Variants in GSG1L observed in about 807,000 individuals in gnomAD.
GSG1L encodes the protein GSG1 like, also known as germ cell-specific gene 1-like protein.
A neutral mutation model predicts 42.1 loss-of-function variants in GSG1L; 24 were observed. That is an observed-to-expected ratio of 0.57 (90% CI 0.41 to 0.80). The LOEUF is 0.80. GSG1L is among the 30% of genes least tolerant of loss of function. The pLI, the probability that GSG1L is intolerant of heterozygous loss-of-function variation, is 0.00. For synonymous variants in GSG1L, 215 were observed against 203.5 expected (o/e 1.06, Z -0.48); for missense variants, 445 against 472.2 (o/e 0.94, Z 0.53).
At chr16:28,057,887 C>A (rs2086296670) in intron 1 of GSG1L, among the ~76,000 whole-genome samples, 1 of 152,222 alleles carries the variant, frequency 6.6e-6, no homozygotes, top group Non-Finnish European at 1.5e-5. Context: ...TGGGCCCAAA[C>A]CCTGTGATGG....
chr16:28,018,886 C>A (rs2085808795), intron 1 of GSG1L, among the ~76,000 whole-genome samples: 1 of 152,150 alleles, frequency 6.6e-6, no homozygotes, highest in Non-Finnish European at 1.5e-5. Flanking sequence ...CCAGCTGCGA[C>A]CTGCACAGAG....
chr16:27,810,266 C>T lies in GSG1L; in HGVS notation c.831-2712G>A, dbSNP rs375941825. Among the ~76,000 whole-genome samples, 48 of 152,182 alleles carry T rather than the reference C, an allele frequency of 3.2e-4. 2 individuals are homozygous for T. In the South Asian group the frequency reaches 9.6e-3, roughly 30 times the overall value. On this transcript the variant is annotated intron_variant, in intron 5 of 6. Coordinates refer to ENST00000447459, the MANE Select transcript of GSG1L (RefSeq NM_001109763.2). Reference sequence around the variant, plus strand: ...GGCTGCAGTGGGCAGATTGCTTGAGCCCAGGAGTTCGAGACCAGCCTGGGC... The same window carrying T: ...GGCTGCAGTGGGCAGATTGCTTGAGTCCAGGAGTTCGAGACCAGCCTGGGC...
chr16:28,016,399 G>A (rs1283428247), intron 1 of GSG1L, among the ~76,000 whole-genome samples: 3 of 152,186 alleles, frequency 2.0e-5, no homozygotes, highest in East Asian at 1.9e-4. Context: ...AGGCTGAAAC[G>A]TTTGATTGTG....
At chr16:27,936,378 G>A (rs971303929) in intron 2 of GSG1L, among the ~76,000 whole-genome samples, 1 of 152,190 alleles carries the variant, frequency 6.6e-6, no homozygotes, top group African/African-American at 2.4e-5. Context: ...CCTCCCTTGT[G>A]TGGGACGAGG....
chr16:27,819,983 G>A (rs150112852), intron 5 of GSG1L, among the ~76,000 whole-genome samples: 2 of 152,200 alleles, frequency 1.3e-5, no homozygotes, highest in South Asian at 4.1e-4. Context: ...GAGACATAAA[G>A]AGAAGGCCCT....
Position 27,985,681 on chromosome 16 carries a change from T to TA in GSG1L, c.350-22479dup, listed in dbSNP as rs536967635. On this transcript the variant is annotated intron_variant, in intron 1 of 6. Coordinates refer to ENST00000447459, the MANE Select transcript of GSG1L (RefSeq NM_001109763.2). ...CAACATGGAGAAACTCCATCTCTAC[T>TA]AAAAAAAAAAATACAAAGTTAGCCA... Among the ~76,000 whole-genome samples, 1,047 of 145,262 alleles carry TA rather than the reference T, an allele frequency of 7.2e-3. 8 individuals carry two copies. Among genetic ancestry groups the TA allele is most frequent in the East Asian group, 0.027 (134 of 5,004 alleles).
At chr16:27,836,402 T>C (rs532165307) in intron 4 of GSG1L, among the ~76,000 whole-genome samples, 2 of 152,160 alleles carry the variant, frequency 1.3e-5, no homozygotes, top group South Asian at 4.1e-4. Flanking sequence ...TTATGTCTTT[T>C]ACAGGATTTG....
rs560929682 is a variant in GSG1L, at chr16:28,024,509, G to A, written c.349+38567C>T. On this transcript the variant is annotated intron_variant, in intron 1 of 6. Transcript: ENST00000447459. ...ACAATAATGAAAGATAACAGGCCCC[G>A]GAACAGCGGGAGAGAATTGCTGGGA... Among the ~76,000 whole-genome samples the A allele has an allele frequency of 2.0e-5, 3 of 152,252 alleles. No individual in the cohort carries two copies. In the South Asian group the frequency reaches 6.2e-4, roughly 32 times the overall value.
intron 2 of GSG1L, among the ~76,000 whole-genome samples, chr16:27,946,625 G>A (rs369777792): frequency 0.2 from 7,512 of 38,078 alleles, 864 homozygotes; most frequent in African/African-American, 0.27. Flanking sequence ...GAGAGAGAGA[G>A]AGAGAGAAAG....
At chr16:27,834,175 T>C (rs182762792) in intron 4 of GSG1L, among the ~76,000 whole-genome samples, 151 of 152,236 alleles carry the variant, frequency 9.9e-4, no homozygotes, top group Non-Finnish European at 6.0e-4. Context: ...GTCAAATGCT[T>C]TTTCTGTATC....
rs1025766806 is a variant in GSG1L, at chr16:27,821,291, A to AT, written c.830+7497dup. On this transcript the variant is annotated intron_variant, in intron 5 of 6. Transcript: ENST00000447459. ...AAAACCTTGATTTTTGATTTCTTGT[A>AT]TTTTTTTTTTTAGATTCAGGGGTAC... is the stretch of plus-strand genomic sequence containing the variant. 2.2e-3 allele frequency among the ~76,000 whole-genome samples: 328 copies of AT among 147,114 alleles called. 2 individuals are homozygous for AT. The highest frequency in any genetic ancestry group is 2.7e-3 in the Non-Finnish European group (178 of 66,356).
At chr16:27,975,557 C>A (rs765959453) in intron 1 of GSG1L, among the ~76,000 whole-genome samples, 1 of 152,178 alleles carries the variant, frequency 6.6e-6, no homozygotes, top group African/African-American at 2.4e-5. Flanking sequence ...CCTCTGCTTT[C>A]GGATCTATTT....
At chr16:27,795,073 A>C (rs755297) in intron 6 of GSG1L, among the ~76,000 whole-genome samples, 34,059 of 152,012 alleles carry the variant, frequency 0.22, 4,016 homozygotes, top group African/African-American at 0.3. Context: ...CCCCAATGAA[A>C]CTGGGGATGG....
At chr16:27,882,967 G>C (rs2083977902) in intron 3 of GSG1L, among the ~76,000 whole-genome samples, 1 of 151,850 alleles carries the variant, frequency 6.6e-6, no homozygotes, top group Admixed American at 6.6e-5. Flanking sequence ...TTAATTAGCT[G>C]GTCGTGGTCG....
chr16:27,881,732 A>C (rs1644581), intron 3 of GSG1L, among the ~76,000 whole-genome samples: 61,181 of 151,852 alleles, frequency 0.4, 14,565 homozygotes, highest in Middle Eastern at 0.52. Flanking sequence ...AACTGGGTTC[A>C]TGGACCTCCT....
chr16:27,986,821 T>C (rs576890318), intron 1 of GSG1L, among the ~76,000 whole-genome samples: 3 of 152,360 alleles, frequency 2.0e-5, no homozygotes, highest in East Asian at 1.9e-4. Context: ...GCCCTGGAAA[T>C]TGCAATTCCT....
chr16:27,986,891 G>A (rs144367026), intron 1 of GSG1L, among the ~76,000 whole-genome samples: 15 of 152,358 alleles, frequency 9.8e-5, no homozygotes, highest in African/African-American at 3.6e-4. Flanking sequence ...TTGGTAGATG[G>A]AGACTAAATT....
intron 2 of GSG1L, among the ~76,000 whole-genome samples, chr16:27,924,904 C>T (rs1457919912): frequency 6.6e-6 from 1 of 152,188 alleles, no homozygotes; most frequent in Non-Finnish European, 1.5e-5. Context: ...ACTCACATCT[C>T]TTAAGAGTAA....
At position 27,909,955 on chromosome 16, in the gene GSG1L, C is replaced by CTTTTTT. The variant is rs67729209; in HGVS notation, c.398-25323_398-25318dup. The stretch of plus-strand genomic sequence containing the variant: ...ATTAAATGATGTGCATCTTTTCTTT[C>CTTTTTT]TTTTTTTTTTTTTTTTTTTGTTTAG... On this transcript the variant is annotated intron_variant, in intron 2 of 6. Transcript: ENST00000447459. 8.0e-4 allele frequency among the ~76,000 whole-genome samples: 104 copies of CTTTTTT among 129,922 alleles called. 1 individual carries two copies. The highest frequency in any genetic ancestry group is 1.0e-3 in the Non-Finnish European group (61 of 60,582). 85.2% of individuals were successfully genotyped at this position (129,922 alleles called of 152,430 possible). A position where few individuals can be genotyped will look rare whatever the true frequency, so the allele number is the denominator to read the frequency against.
Sources: allele counts gnomAD v4.1 joint callset (sites outside exome capture counted in the v4.1 genomes callset), GRCh38; gene constraint gnomAD v4.1.1; transcripts MANE v1.5; gene names NCBI Gene and HGNC (gene_info 2026-07-23, HGNC 2026-07-21).